Variants in ADCY5 observed in about 807,000 individuals in gnomAD.
ADCY5 encodes adenylate cyclase 5.
In ADCY5, 30 loss-of-function variants were observed where a neutral mutation model predicts 119.7. The observed-to-expected ratio is 0.25, with a 90% CI of 0.19 to 0.34. The LOEUF (loss-of-function observed/expected upper bound fraction) is 0.34, where lower values mean the gene tolerates loss of function less well. Ranked by LOEUF, ADCY5 falls within the 10% of genes least tolerant of loss-of-function variation. The probability of loss-of-function intolerance (pLI) is 1.00; values close to 1 mark genes in which losing one functional copy is unlikely to be tolerated. For synonymous variants in ADCY5, 753 were observed against 762.2 expected (o/e 0.99, Z 0.20); for missense variants, 1,324 against 1,775.2 (o/e 0.75, Z 4.57).
At chr3:123,313,056 A>G (rs568529163) in intron 12 of ADCY5, among the ~76,000 whole-genome samples, 1 of 152,316 alleles carries the variant, frequency 6.6e-6, no homozygotes, top group Non-Finnish European at 1.5e-5. Context: ...ATCAGATGCT[A>G]CAATACTAGC....
chr3:123,292,870 A>C (rs1053921835), intron 17 of ADCY5, among the ~76,000 whole-genome samples: 2 of 152,006 alleles, frequency 1.3e-5, no homozygotes, highest in Non-Finnish European at 2.9e-5. Flanking sequence ...CGGATGCCAG[A>C]AGCACTACAG....
intron 1 of ADCY5, among the ~76,000 whole-genome samples, chr3:123,425,263 C>G (rs1945381311): frequency 6.6e-6 from 1 of 152,224 alleles, no homozygotes; most frequent in South Asian, 2.1e-4. Context: ...ACACTCCAGG[C>G]ATGGGTCCTG....
At chr3:123,396,131 AG>A (rs1287919676) in intron 1 of ADCY5, among the ~76,000 whole-genome samples, 1 of 140,084 alleles carries the variant, frequency 7.1e-6, no homozygotes, top group Non-Finnish European at 1.6e-5. Context: ...AGGGCAAGAG[AG>A]GGAAAAAAGA....
intron 1 of ADCY5, among the ~76,000 whole-genome samples, chr3:123,358,208 G>T (rs2108517305): frequency 7.0e-6 from 1 of 142,364 alleles, no homozygotes; most frequent in East Asian, 2.2e-4. Context: ...GGAGTTGGTG[G>T]TATGGCGGAG....
intron 3 of ADCY5, among the ~76,000 whole-genome samples, chr3:123,342,868 C>T (rs989763576): frequency 6.6e-6 from 1 of 152,146 alleles, no homozygotes; most frequent in African/African-American, 2.4e-5. Context: ...TGTTGAGTTA[C>T]CTGACCTTGA....
intron 15 of ADCY5, among the ~76,000 whole-genome samples, chr3:123,298,750 T>C (rs565236839): frequency 6.6e-6 from 1 of 151,452 alleles, no homozygotes; most frequent in African/African-American, 2.4e-5. Context: ...GGTGAACAAA[T>C]GGATGGATGG....
chr3:123,445,346 C>CG (rs1034907529), intron 1 of ADCY5, among the ~76,000 whole-genome samples: 5 of 150,156 alleles, frequency 3.3e-5, no homozygotes, highest in African/African-American at 7.4e-5. Context: ...GGGGCCCCCC[C>CG]CAAGGCTCAG....
intron 1 of ADCY5, among the ~76,000 whole-genome samples, chr3:123,427,339 C>A (rs1945435696): frequency 6.6e-6 from 1 of 152,230 alleles, no homozygotes; most frequent in South Asian, 2.1e-4. Flanking sequence ...TTCCCTCCAA[C>A]AAACCCAAAT....
At chr3:123,404,746 G>A (rs184088790) in intron 1 of ADCY5, among the ~76,000 whole-genome samples, 86 of 152,326 alleles carry the variant, frequency 5.6e-4, no homozygotes, top group African/African-American at 2.0e-3. Flanking sequence ...TTTTGGATTA[G>A]GTGGAGCCTG....
chr3:123,326,023 C>T (rs976438986), intron 7 of ADCY5, among the ~76,000 whole-genome samples: 1 of 152,214 alleles, frequency 6.6e-6, no homozygotes, highest in African/African-American at 2.4e-5. Context: ...CAGGGTAGGG[C>T]TCTAGCTACA....
intron 1 of ADCY5, among the ~76,000 whole-genome samples, chr3:123,396,771 A>AGGC (rs1944593023): frequency 1.4e-5 from 1 of 70,220 alleles, no homozygotes; most frequent in Admixed American, 1.3e-4. Flanking sequence ...GGAAGGAAGG[A>AGGC]AGGAAGGAAG....
chr3:123,389,066 C>T (rs1321991627), intron 1 of ADCY5, among the ~76,000 whole-genome samples: 2 of 152,016 alleles, frequency 1.3e-5, no homozygotes, highest in Non-Finnish European at 1.5e-5. Context: ...AGAATGGAGG[C>T]CAGGTCAAAG....
chr3:123,374,683 T>C (rs2124500), intron 1 of ADCY5, among the ~76,000 whole-genome samples: 117,019 of 151,986 alleles, frequency 0.77, 45,261 homozygotes, highest in East Asian at 1. Context: ...ATTTGTCTTC[T>C]TTGGCAAAAG....
intron 1 of ADCY5, among the ~76,000 whole-genome samples, chr3:123,436,703 C>T (rs1945624051): frequency 6.6e-6 from 1 of 151,978 alleles, no homozygotes; most frequent in Admixed American, 6.6e-5. Context: ...AAGACTCCAT[C>T]TCAAAAAATA....
intron 1 of ADCY5, among the ~76,000 whole-genome samples, chr3:123,388,716 A>G (rs1363538646): frequency 1.3e-5 from 2 of 152,216 alleles, no homozygotes; most frequent in African/African-American, 4.8e-5. Flanking sequence ...AAGAAAGACA[A>G]GAATGGGAGT....
intron 1 of ADCY5, among the ~76,000 whole-genome samples, chr3:123,396,515 G>GAA (rs774236693): frequency 9.6e-6 from 1 of 104,510 alleles, no homozygotes; most frequent in South Asian, 3.3e-4. Flanking sequence ...GAGAAAGAAA[G>GAA]AAAGAGAGAG....
At chr3:123,371,876 T>C (rs1943654225) in intron 1 of ADCY5, among the ~76,000 whole-genome samples, 1 of 152,092 alleles carries the variant, frequency 6.6e-6, no homozygotes, top group African/African-American at 2.4e-5. Flanking sequence ...CCTGGGCTGC[T>C]CCTAAGCCAG....
intron 1 of ADCY5, among the ~76,000 whole-genome samples, chr3:123,368,468 G>A (rs551207160): frequency 1.3e-5 from 2 of 152,294 alleles, no homozygotes; most frequent in East Asian, 1.9e-4. Context: ...ATGGCGGTGC[G>A]CACCTGTAAT....
chr3:123,304,497 T>C (rs940214145), intron 12 of ADCY5, among the ~76,000 whole-genome samples: 5 of 152,040 alleles, frequency 3.3e-5, no homozygotes, highest in African/African-American at 1.2e-4. Flanking sequence ...AAAAAGCACA[T>C]TGACCCGCTG....
Sources: allele counts gnomAD v4.1 joint callset (sites outside exome capture counted in the v4.1 genomes callset), GRCh38; gene constraint gnomAD v4.1.1; transcripts MANE v1.5; gene names NCBI Gene and HGNC (gene_info 2026-07-23, HGNC 2026-07-21).